EYA4: variants seen among roughly 807,000 people sequenced by gnomAD.
EYA4 encodes EYA transcriptional coactivator and phosphatase 4.
In EYA4, 31 loss-of-function variants were observed where a neutral mutation model predicts 87.9. That is an observed-to-expected ratio of 0.35 (90% CI 0.27 to 0.48). The LOEUF (loss-of-function observed/expected upper bound fraction) is 0.48. EYA4 is among the 20% of genes least tolerant of loss of function. EYA4 has a pLI of 0.99. For missense variants in EYA4, 678 were observed against 761.4 expected (o/e 0.89, Z 1.29); for synonymous variants, 263 against 270.6 (o/e 0.97, Z 0.28).
At chr6:133,457,318 A>G (rs140713617) in intron 6 of EYA4, among the ~76,000 whole-genome samples, 1 of 152,302 alleles carries the variant, frequency 6.6e-6, no homozygotes, top group South Asian at 2.1e-4. Flanking sequence ...TTAAGTTACA[A>G]TATTTCTTCG....
intron 3 of EYA4, among the ~76,000 whole-genome samples, chr6:133,385,817 G>A (rs551682751): frequency 6.6e-6 from 1 of 152,284 alleles, no homozygotes; most frequent in East Asian, 1.9e-4. Flanking sequence ...GGGAAGAAAT[G>A]CTTGGGCTGC....
intron 2 of EYA4, among the ~76,000 whole-genome samples, chr6:133,333,314 T>C (rs549938825): frequency 3.3e-4 from 50 of 152,134 alleles, no homozygotes; most frequent in Non-Finnish European, 5.9e-4. Context: ...TGTCAGACAC[T>C]TGAAGGAGCC....
At chr6:133,251,756 T>A (rs375496915) in intron 1 of EYA4, among the ~76,000 whole-genome samples, 2 of 152,136 alleles carry the variant, frequency 1.3e-5, no homozygotes, top group South Asian at 4.1e-4. Flanking sequence ...TGTCAGGTGA[T>A]CTCTGGGAGC....
At chr6:133,243,654 CT>C (rs200732942) in intron 1 of EYA4, among the ~76,000 whole-genome samples, 35,244 of 134,174 alleles carry the variant, frequency 0.26, 4,009 homozygotes, top group East Asian at 0.43. Flanking sequence ...GAATCAGTGC[CT>C]TTTTTTTTTT....
chr6:133,530,399 T>C lies in EYA4; in HGVS notation c.*1594T>C. On this transcript the variant is annotated 3_prime_UTR_variant, in exon 20 of 20. Transcript: ENST00000355286. ...ATACAGGTTCTCCTCTTATTTCCTATGACACGATTTCCCTTGTGGAAATTT... is the reference window on the plus strand; with the variant it reads ...ATACAGGTTCTCCTCTTATTTCCTACGACACGATTTCCCTTGTGGAAATTT... 1 of 985,444 alleles carries C rather than the reference T, an allele frequency of 1.0e-6. No individual in the cohort carries two copies. The highest frequency in any genetic ancestry group is 4.7e-5 in the South Asian group (1 of 21,278). The allele number at this position is 985,444 out of a possible 1,614,324, so 61.0% of individuals were successfully genotyped here. A position where few individuals can be genotyped will look rare whatever the true frequency, so the allele number is the denominator to read the frequency against.
intron 2 of EYA4, among the ~76,000 whole-genome samples, chr6:133,322,739 A>G (rs12524730): frequency 0.44 from 66,583 of 152,024 alleles, 15,295 homozygotes; most frequent in Non-Finnish European, 0.53. Flanking sequence ...AATTCCTAAT[A>G]AATCTTGTAA....
rs1458242393 is a variant in EYA4 at position 133,512,941 on chromosome 6, A to G, written c.1404A>G (p.Pro468=). 2 of 1,614,004 alleles carry G rather than the reference A, an allele frequency of 1.2e-6. No homozygotes were observed. The highest frequency in any genetic ancestry group is 3.3e-5 in the Admixed American group (2 of 59,996). The stretch of plus-strand genomic sequence containing the variant: ...CAAGTAGTGCAAACCTTTGTTTGCC[A>G]ACAGGTGTAAGAGGAGGGGTTGACT... ...AAASSANLCL[P]TGVRGGVDWM... is the part of the protein sequence containing the mutation. Residue 468 remains proline, a synonymous_variant, in exon 16 of 20, where the codon CCA becomes CCG. Transcript: ENST00000355286.
rs767058526 is a variant in EYA4 at position 133,528,688 on chromosome 6, C to T, written c.1840-37C>T. On this transcript the variant is annotated intron_variant, in intron 19 of 19. Coordinates refer to ENST00000355286, the MANE Select transcript of EYA4 (RefSeq NM_004100.5). ...CTCTCTCCATGCCTCATTCCTTCCC[C>T]TTCTCTCTCCCATCCCTCCTTCTCC... 6 of 1,416,320 alleles carry T rather than the reference C, an allele frequency of 4.2e-6. No homozygotes were observed. The South Asian group carries it at 4.6e-5, about 11-fold the overall frequency. The allele number at this position is 1,416,320 out of a possible 1,614,324, so 87.7% of individuals were successfully genotyped here. A position where few individuals can be genotyped will look rare whatever the true frequency, so the allele number is the denominator to read the frequency against.
Position 133,343,523 on chromosome 6 carries a change from C to T in EYA4, c.34-38869C>T, listed in dbSNP as rs568494433. On this transcript the variant is annotated intron_variant, in intron 2 of 19. Transcript: ENST00000355286. ...CGAGTTCCCTAGCAGATAGCCTCCC[C>T]CTAGCTCAACAATACCACCACCACC... Among the ~76,000 whole-genome samples, 18 of 151,294 alleles carry T rather than the reference C, an allele frequency of 1.2e-4. No individual in the cohort carries two copies. In the South Asian group the frequency reaches 3.6e-3, roughly 30 times the overall value.
intron 1 of EYA4, chr6:133,247,350 C>G (rs1774492522): frequency 6.6e-6 from 1 of 152,154 alleles, no homozygotes; most frequent in African/African-American, 2.4e-5. Context: ...CTCTTCAAGC[C>G]TTATCCAAAT....
intron 3 of EYA4, among the ~76,000 whole-genome samples, chr6:133,432,774 C>T (rs901215513): frequency 2.0e-5 from 3 of 152,088 alleles, no homozygotes; most frequent in Non-Finnish European, 2.9e-5. Context: ...ATTCTGATCC[C>T]TCGTGGCAGG....
intron 18 of EYA4, chr6:133,524,903 G>C (rs1800494450): frequency 2.2e-6 from 2 of 896,496 alleles, no homozygotes; most frequent in Admixed American, 1.7e-5. Flanking sequence ...CATAAACCCA[G>C]AGGTTGTGAG....
intron 3 of EYA4, among the ~76,000 whole-genome samples, chr6:133,412,766 G>A (rs1251809448): frequency 6.6e-6 from 1 of 152,156 alleles, no homozygotes; most frequent in African/African-American, 2.4e-5. Flanking sequence ...TCTTCCAACA[G>A]TCTTAAGTTC....
At chr6:133,353,157 G>A (rs958087926) in intron 2 of EYA4, among the ~76,000 whole-genome samples, 1 of 152,058 alleles carries the variant, frequency 6.6e-6, no homozygotes, top group African/African-American at 2.4e-5. Flanking sequence ...TAACTTTCCT[G>A]AACAATGTAT....
chr6:133,384,677 C>G (rs1786542614), intron 3 of EYA4, among the ~76,000 whole-genome samples: 1 of 152,156 alleles, frequency 6.6e-6, no homozygotes, highest in African/African-American at 2.4e-5. Flanking sequence ...ACACTCTGGT[C>G]AATATCTATC....
intron 3 of EYA4, among the ~76,000 whole-genome samples, chr6:133,389,128 C>A (rs1306526681): frequency 3.3e-5 from 5 of 152,250 alleles, no homozygotes; most frequent in Non-Finnish European, 7.4e-5. Flanking sequence ...AGCACTCTCC[C>A]CTTCTCTAAT....
intron 2 of EYA4, among the ~76,000 whole-genome samples, chr6:133,294,634 C>T (rs1294333784): frequency 2.6e-5 from 4 of 152,100 alleles, no homozygotes; most frequent in Admixed American, 6.5e-5. Flanking sequence ...GTGGTGCGAT[C>T]TCGATTCACT....
chr6:133,461,311 C>T (rs562532864), intron 7 of EYA4, 131 bp downstream of exon 7: 735 of 731,498 alleles, frequency 1.0e-3, no homozygotes, highest in Non-Finnish European at 1.7e-3. Flanking sequence ...GAAATGGAGA[C>T]ACCCACATGT....
intron 13 of EYA4, among the ~76,000 whole-genome samples, chr6:133,490,651 G>C (rs1450046060): frequency 6.6e-6 from 1 of 151,932 alleles, no homozygotes; most frequent in Non-Finnish European, 1.5e-5. Flanking sequence ...TCAGCAACAG[G>C]ATATAACAAT....
Sources: gnomAD v4.1 joint callset for allele counts (sites outside exome capture counted in the v4.1 genomes callset) on GRCh38, gnomAD v4.1.1 for gene constraint, MANE v1.5 for transcripts, NCBI Gene and HGNC (gene_info 2026-07-23, HGNC 2026-07-21) for gene names.